PAXIP1: variants seen among roughly 807,000 people sequenced by gnomAD.
PAXIP1 encodes the protein PAX-interacting protein 1.
PAXIP1 carries 19 observed loss-of-function variants against 140.6 expected under a neutral mutation model. That is an observed-to-expected ratio of 0.14 (90% CI 0.09 to 0.20). The LOEUF (loss-of-function observed/expected upper bound fraction) is 0.20, where lower values mean the gene tolerates loss of function less well. Among genes scored for constraint, PAXIP1 ranks in the 10% least tolerant of loss-of-function variants. The pLI is 1.00. For missense variants in PAXIP1, 920 were observed against 1,208.6 expected, an observed-to-expected ratio of 0.76 and a Z score of 3.54; for synonymous variants, 442 against 444.6, an observed-to-expected ratio of 0.99 and a Z score of 0.07.
rs976467955 is a variant in PAXIP1, at chr7:154,963,381, G to T, written c.1989+290C>A. On this transcript the variant is annotated intron_variant, in intron 9 of 20. Transcript: ENST00000404141. This position sits in a 1 kb window ranked among gnomAD's most constrained non-coding sequence, Gnocchi z 4.1. ...AGTAGAGACAGGATTTCACCAGGTTGGTCAGGCTGGTCTCAAACGCCTGAC... is the reference window on the plus strand; with the variant it reads ...AGTAGAGACAGGATTTCACCAGGTTTGTCAGGCTGGTCTCAAACGCCTGAC... 6.6e-6 allele frequency among the ~76,000 whole-genome samples: 1 copy of T among 151,892 alleles called. No homozygotes were observed. Among genetic ancestry groups the T allele is most frequent in the Non-Finnish European group, 1.5e-5 (1 of 67,974 alleles).
Position 154,976,219 on chromosome 7 carries a change from C to T in PAXIP1, c.551G>A (p.Arg184His), listed in dbSNP as rs765734080. 1.2e-5 allele frequency: 20 copies of T among 1,613,488 alleles called. No homozygotes were observed. The highest frequency in any genetic ancestry group is 1.1e-4 in the African/African-American group (8 of 74,994). The change falls in exon 6 of 21, where the codon CGT becomes CAT. Residue 184 changes from arginine to histidine, a missense_variant. By Grantham distance (29) the Arg-to-His change is conservative. Around this residue, in one of 5 missense-constraint regions of PAXIP1, gnomAD observed 419 missense variants for 514.7 expected, o/e 0.81. Coordinates refer to ENST00000404141, the MANE Select transcript of PAXIP1 (RefSeq NM_007349.4). ...TTCTTCCTCTTCATAAATAATCAGA[C>T]GAGGATGATAAAATGCTTCGTCCTT... Reference protein sequence around the residue: ...TKKDEAFYHPRLIIYEEEEEE... With the variant: ...TKKDEAFYHPHLIIYEEEEEE...
intron 1 of PAXIP1, 36 bp downstream of exon 1, chr7:155,002,813 C>G (rs1255587766): frequency 1.7e-5 from 21 of 1,234,880 alleles, no homozygotes; most frequent in Admixed American, 7.0e-5. Flanking sequence ...GGGACGCGGA[C>G]GGGGGAGGAG....
intron 8 of PAXIP1, among the ~76,000 whole-genome samples, chr7:154,966,849 C>T (rs1017743917): frequency 3.3e-5 from 5 of 152,252 alleles, no homozygotes; most frequent in Admixed American, 6.5e-5. Context: ...GACACACCAG[C>T]CCTGGCTCCT....
intron 16 of PAXIP1, among the ~76,000 whole-genome samples, chr7:154,953,151 A>G (rs187718956): frequency 1.4e-5 from 2 of 141,262 alleles, no homozygotes; most frequent in Admixed American, 1.5e-4. Flanking sequence ...GTTTAGCCAC[A>G]AGAGTGTAAC....
intron 4 of PAXIP1, among the ~76,000 whole-genome samples, chr7:154,984,986 G>C (rs1209551512): frequency 1.3e-5 from 2 of 152,116 alleles, no homozygotes; most frequent in Non-Finnish European, 2.9e-5. Flanking sequence ...AGGAGACCTG[G>C]CATTAATACG....
rs752961203 is a variant in PAXIP1 at position 154,975,684 on chromosome 7, A to C, written c.1074+12T>G. The C allele has an allele frequency of 5.1e-6, 8 of 1,557,200 alleles. No homozygotes were observed. In the South Asian group the frequency reaches 9.1e-5, roughly 18 times the overall value. On this transcript the variant is annotated intron_variant, in intron 6 of 20. Transcript: ENST00000404141. ...TCCAATACTGACATTTTTTTCGGAA[A>C]GAGTGACTTACATGTGCTACATTTG... is the stretch of plus-strand genomic sequence containing the variant.
In PAXIP1 at chr7:154,958,582, A is replaced by C. The variant is rs557721300; in HGVS notation, c.2479-1288T>G. Among the ~76,000 whole-genome samples the C allele has an allele frequency of 3.9e-5, 6 of 152,336 alleles. No individual in the cohort carries two copies. The East Asian group carries it at 1.2e-3, about 29-fold the overall frequency. On this transcript the variant is annotated intron_variant, in intron 13 of 20. Coordinates refer to ENST00000404141, the MANE Select transcript of PAXIP1 (RefSeq NM_007349.4). Reference sequence around the variant, plus strand: ...CTTTCCTATTATAGCCTTTATAAGAAAGCAATTTCTCAACTCTATTTCCAA... The same window carrying C: ...CTTTCCTATTATAGCCTTTATAAGACAGCAATTTCTCAACTCTATTTCCAA...
chr7:154,996,599 G>A (rs568587060), intron 2 of PAXIP1, among the ~76,000 whole-genome samples: 17 of 152,154 alleles, frequency 1.1e-4, no homozygotes, highest in Admixed American at 2.0e-4. Context: ...TCACAGCGGC[G>A]ACCCCACTTG....
rs1585076775 is a variant in PAXIP1, at chr7:154,986,409, A to G, written c.325-3077T>C. ...CACTTTCATTTTTGCATATGTTGCA[A>G]CATACCGTATTTGCCCAAGGCCTGA... On this transcript the variant is annotated intron_variant, in intron 4 of 20. Coordinates refer to ENST00000404141, the MANE Select transcript of PAXIP1 (RefSeq NM_007349.4). This position sits in a 1 kb window ranked among gnomAD's most constrained non-coding sequence, Gnocchi z 4.8. Among the ~76,000 whole-genome samples, 2 of 152,096 alleles carry G rather than the reference A, an allele frequency of 1.3e-5. No individual in the cohort carries two copies. Among genetic ancestry groups the G allele is most frequent in the East Asian group, 3.9e-4 (2 of 5,186 alleles).
Position 154,943,914 on chromosome 7 carries a change from T to C in PAXIP1, c.*235A>G, listed in dbSNP as rs1352666662. ...CTGGCAAATGAATCATAAAACCTAA[T>C]GTGGGCTCTTAAAGTCATATAATAC... On this transcript the variant is annotated 3_prime_UTR_variant, in exon 21 of 21. Transcript: ENST00000404141. 2.0e-6 allele frequency: 1 copy of C among 491,558 alleles called. No individual in the cohort carries two copies. The highest frequency in any genetic ancestry group is 3.8e-6 in the Non-Finnish European group (1 of 264,948). The allele number at this position is 491,558 out of a possible 1,614,324, so 30.4% of individuals were successfully genotyped here.
At position 154,963,628 on chromosome 7, in the gene PAXIP1, G is replaced by A. The variant is rs1391540151; in HGVS notation, c.1989+43C>T. 2 of 1,336,786 alleles carry A rather than the reference G, an allele frequency of 1.5e-6. No homozygotes were observed. Among genetic ancestry groups the A allele is most frequent in the South Asian group, 1.2e-5 (1 of 81,516 alleles). The allele number at this position is 1,336,786 out of a possible 1,614,324, so 82.8% of individuals were successfully genotyped here. A position where few individuals can be genotyped will look rare whatever the true frequency, so the allele number is the denominator to read the frequency against. On this transcript the variant is annotated intron_variant, in intron 9 of 20. Coordinates refer to ENST00000404141, the MANE Select transcript of PAXIP1 (RefSeq NM_007349.4). This position sits in a 1 kb window ranked among gnomAD's most constrained non-coding sequence, Gnocchi z 4.1. ...GCATTTAAGATTGCATATTAAAAAT[G>A]CCAGACCTTGCTCCTGGTCGCAGCT... is the stretch of plus-strand genomic sequence containing the variant.
chr7:154,990,195 C>A (rs1810264533), intron 4 of PAXIP1, among the ~76,000 whole-genome samples: 1 of 152,000 alleles, frequency 6.6e-6, no homozygotes, highest in East Asian at 1.9e-4. Context: ...GTGCGCACCA[C>A]CATTCCTGGC....
chr7:154,946,652 C>T lies in PAXIP1; in HGVS notation c.3057+27G>A. Reference sequence around the variant, plus strand: ...GAATGTGATACAGGGCAATGACGGACTCGCTGGCGGACTCCACTCTACCCA... The same window carrying T: ...GAATGTGATACAGGGCAATGACGGATTCGCTGGCGGACTCCACTCTACCCA... On this transcript the variant is annotated intron_variant, in intron 18 of 20. Coordinates refer to ENST00000404141, the MANE Select transcript of PAXIP1 (RefSeq NM_007349.4). The surrounding 1 kb of genome is among the most constrained non-coding windows in gnomAD (Gnocchi z 4.9). The T allele has an allele frequency of 6.2e-7, 1 of 1,613,644 alleles. No individual in the cohort carries two copies. The highest frequency in any genetic ancestry group is 8.5e-7 in the Non-Finnish European group (1 of 1,179,718).
chr7:154,949,510 T>TAGGG (rs1404589495), intron 16 of PAXIP1: 1 of 152,218 alleles, frequency 6.6e-6, no homozygotes, highest in Admixed American at 6.5e-5. Flanking sequence ...AAAGTACTGT[T>TAGGG]ACACATGAGA....
At chr7:154,971,273 G>A (rs921563123) in intron 6 of PAXIP1, among the ~76,000 whole-genome samples, 2 of 152,174 alleles carry the variant, frequency 1.3e-5, no homozygotes, top group African/African-American at 4.8e-5. Context: ...CCCATCCACT[G>A]CTGACAGGAG....
At chr7:154,974,995 A>G (rs1319338164) in intron 6 of PAXIP1, among the ~76,000 whole-genome samples, 1 of 150,806 alleles carries the variant, frequency 6.6e-6, no homozygotes, top group Non-Finnish European at 1.5e-5. Context: ...AAATACAAAA[A>G]AAAAAAAAAA....
chr7:154,968,404 C>G lies in PAXIP1; in HGVS notation c.1797G>C (p.Glu599Asp), dbSNP rs1283391036. The G allele has an allele frequency of 6.5e-7, 1 of 1,543,118 alleles. No individual in the cohort carries two copies. The highest frequency in any genetic ancestry group is 1.2e-5 in the South Asian group (1 of 83,086). ...GGAAAAATAATCTCCATTACTAACT[C>G]TCCACTGCTGGATCATGTCCAAAAA... Reference protein sequence around the residue: ...HQLFGHDPAVEIPEEGFLLGC... With the variant: ...HQLFGHDPAVDIPEEGFLLGC... The change falls in exon 7 of 21, where the codon GAG becomes GAC. Residue 599 changes from glutamate to aspartate, a missense_variant and splice_region_variant. Transcript: ENST00000404141.
chr7:154,955,281 T>C (rs1477263253), intron 15 of PAXIP1, among the ~76,000 whole-genome samples: 1 of 152,232 alleles, frequency 6.6e-6, no homozygotes, highest in Non-Finnish European at 1.5e-5. Flanking sequence ...ACTATTAACA[T>C]GGTTCCTGGC....
intron 5 of PAXIP1, among the ~76,000 whole-genome samples, chr7:154,976,791 C>G (rs984260661): frequency 2.0e-5 from 3 of 152,186 alleles, no homozygotes; most frequent in Non-Finnish European, 4.4e-5. Context: ...ACTTGGCTGA[C>G]TTGCATAGGA....
Sources: gnomAD v4.1 joint callset for allele counts (sites outside exome capture counted in the v4.1 genomes callset) on GRCh38, gnomAD v4.1.1 for gene constraint, gnomAD v4.1.1 regional missense constraint, Gnocchi (gnomAD v3.1) non-coding constraint, MANE v1.5 for transcripts, NCBI Gene and HGNC (gene_info 2026-07-23, HGNC 2026-07-21) for gene names.